CAPN3: variants seen among roughly 807,000 people sequenced by gnomAD.
CAPN3 encodes the protein calpain-3.
CAPN3 carries 88 observed loss-of-function variants against 114.0 expected under a neutral mutation model. That is an observed-to-expected ratio of 0.77 (90% CI 0.65 to 0.92). CAPN3 has a LOEUF of 0.92. CAPN3 is among the 40% of genes least tolerant of loss of function. The pLI is 0.00. For synonymous variants in CAPN3, 386 were observed against 382.9 expected (o/e 1.01, Z -0.09); for missense variants, 1,028 against 1,069.0 (o/e 0.96, Z 0.53).
Position 42,408,195 on chromosome 15 carries a change from T to A in CAPN3, c.1801-16T>A, listed in dbSNP as rs781743820. 1.6e-5 allele frequency: 25 copies of A among 1,575,518 alleles called. No homozygotes were observed. Among genetic ancestry groups the A allele is most frequent in the Non-Finnish European group, 2.2e-5 (25 of 1,146,316 alleles). On this transcript the variant is annotated splice_polypyrimidine_tract_variant and intron_variant, in intron 15 of 23. Coordinates refer to ENST00000397163, the MANE Select transcript of CAPN3 (RefSeq NM_000070.3). ...TAATCCTCCCTTCCTTCCTGCCTCC[T>A]CCCTCCTCTCTCCAGCCCATCATCT...
At chr15:42,375,891 A>G (rs1031863961) in intron 1 of CAPN3, among the ~76,000 whole-genome samples, 17 of 152,202 alleles carry the variant, frequency 1.1e-4, no homozygotes, top group Admixed American at 3.3e-4. Context: ...CACCCAAGAT[A>G]TGACATTACA....
chr15:42,404,904 A>T (rs994489370), intron 14 of CAPN3: 1 of 1,020,342 alleles, frequency 9.8e-7, no homozygotes. Flanking sequence ...ATCGGTGTGC[A>T]GTATTGATCA....
At chr15:42,390,637 C>T (rs2053527912) in intron 6 of CAPN3, among the ~76,000 whole-genome samples, 1 of 151,934 alleles carries the variant, frequency 6.6e-6, no homozygotes, top group Non-Finnish European at 1.5e-5. Context: ...TATTTTTCCC[C>T]ATGTAAAGAT....
chr15:42,374,235 A>C (rs1028022244), intron 1 of CAPN3: 7 of 152,808 alleles, frequency 4.6e-5, no homozygotes, highest in African/African-American at 1.7e-4. Context: ...CTGAGGGTGC[A>C]GTGGGAAAGA....
In CAPN3 at chr15:42,401,678, C is replaced by A; in HGVS notation, c.1392C>A (p.Leu464=). 1 of 1,614,180 alleles carries A rather than the reference C, an allele frequency of 6.2e-7. No homozygotes were observed. The highest frequency in any genetic ancestry group is 8.5e-7 in the Non-Finnish European group (1 of 1,180,034). ...FWTNPQYRLK[L]LEEDDDPDDS... is the part of the protein sequence containing the mutation. ...CCAACCCTCAGTACCGTCTGAAGCT[C>A]CTGGAGGAGGACGATGACCCTGATG... Residue 464 remains leucine (L), a synonymous_variant, in exon 11 of 24, where the codon CTC becomes CTA. Transcript: ENST00000397163.
rs74009086 is a variant in CAPN3 at position 42,412,038 on chromosome 15, C to T, written c.*265C>T. The T allele has an allele frequency of 1.3e-4, 193 of 1,516,382 alleles. No homozygotes were observed. The highest frequency in any genetic ancestry group is 1.5e-4 in the South Asian group (12 of 80,558). The allele number at this position is 1,516,382 out of a possible 1,614,324, so 93.9% of individuals were successfully genotyped here. A position where few individuals can be genotyped will look rare whatever the true frequency, so the allele number is the denominator to read the frequency against. ...TGGAGGAAAGTGCCTGCCTCTGGTCCGAGCCGCCTCGGTTCTGAAGCGAGT... is the reference window on the plus strand; with the variant it reads ...TGGAGGAAAGTGCCTGCCTCTGGTCTGAGCCGCCTCGGTTCTGAAGCGAGT... On this transcript the variant is annotated 3_prime_UTR_variant, in exon 24 of 24. Coordinates refer to ENST00000397163, the MANE Select transcript of CAPN3 (RefSeq NM_000070.3).
chr15:42,405,461 C>T (rs1013691148), intron 14 of CAPN3, among the ~76,000 whole-genome samples: 2 of 152,114 alleles, frequency 1.3e-5, no homozygotes, highest in Non-Finnish European at 1.5e-5. Flanking sequence ...CAGGTGCCCA[C>T]CATCACGCCT....
intron 1 of CAPN3, among the ~76,000 whole-genome samples, chr15:42,369,740 T>C (rs578188350): frequency 1.3e-5 from 2 of 152,204 alleles, no homozygotes; most frequent in South Asian, 4.1e-4. Flanking sequence ...CTGGAATGAA[T>C]CATTTCTTCA....
intron 3 of CAPN3, 107 bp downstream of exon 3, chr15:42,386,392 C>T (rs1313135571): frequency 2.2e-5 from 18 of 828,696 alleles, no homozygotes; most frequent in South Asian, 6.7e-5. Context: ...CCCATCTACC[C>T]GCAGCGGCAA....
chr15:42,397,029 G>C, intron 9 of CAPN3, 152 bp downstream of exon 9: 1 of 664,344 alleles, frequency 1.5e-6, no homozygotes, highest in Non-Finnish European at 2.7e-6. Flanking sequence ...CAAGGATGAG[G>C]TTCTGAGAGG....
intron 1 of CAPN3, among the ~76,000 whole-genome samples, chr15:42,368,488 C>G (rs1173543677): frequency 2.0e-5 from 3 of 152,040 alleles, no homozygotes; most frequent in African/African-American, 7.2e-5. Context: ...AATCATCAAT[C>G]AATAAACAAT....
intron 1 of CAPN3, among the ~76,000 whole-genome samples, chr15:42,370,542 G>T (rs2052916794): frequency 6.6e-6 from 1 of 152,146 alleles, no homozygotes; most frequent in African/African-American, 2.4e-5. Context: ...TCTGCTTTAA[G>T]AGTGTTACCT....
intron 1 of CAPN3, among the ~76,000 whole-genome samples, chr15:42,370,483 A>G (rs2052915433): frequency 6.6e-6 from 1 of 152,186 alleles, no homozygotes; most frequent in African/African-American, 2.4e-5. Flanking sequence ...TCCCAGGAAA[A>G]TTATATATCT....
chr15:42,398,445 G>T (rs1283989547), intron 9 of CAPN3, among the ~76,000 whole-genome samples: 4 of 151,884 alleles, frequency 2.6e-5, no homozygotes, highest in East Asian at 1.9e-4. Context: ...TTAGCCAGGT[G>T]TGGTGGTGTG....
At chr15:42,369,352 C>T (rs1340130725) in intron 1 of CAPN3, among the ~76,000 whole-genome samples, 1 of 151,982 alleles carries the variant, frequency 6.6e-6, no homozygotes, top group African/African-American at 2.4e-5. Context: ...AATGGTGGTG[C>T]TTGTCCAAGA....
At chr15:42,382,439 G>A (rs2053275663) in intron 1 of CAPN3, among the ~76,000 whole-genome samples, 1 of 152,100 alleles carries the variant, frequency 6.6e-6, no homozygotes. Flanking sequence ...TGCAATCTTG[G>A]CTCACGGCAA....
At chr15:42,401,861 G>A (rs1338432629) in intron 11 of CAPN3, 51 bp downstream of exon 11, 1 of 1,572,082 alleles carries the variant, frequency 6.4e-7, no homozygotes, top group Admixed American at 1.8e-5. Flanking sequence ...TCCCAGGGAG[G>A]ACGCTTCCAG....
intron 12 of CAPN3, 77 bp from the exon 13 acceptor site, chr15:42,402,717 C>A (rs2053906574): frequency 6.3e-7 from 1 of 1,581,042 alleles, no homozygotes; most frequent in Admixed American, 1.7e-5. Flanking sequence ...TGGGAAGGGA[C>A]CCTTGGAGGT....
At position 42,382,273 on chromosome 15, in the gene CAPN3, G is replaced by T. The variant is rs540796812; in HGVS notation, c.310-2210G>T. 4.6e-5 allele frequency among the ~76,000 whole-genome samples: 7 copies of T among 152,022 alleles called. No homozygotes were observed. The South Asian group carries it at 8.3e-4, about 18-fold the overall frequency. On this transcript the variant is annotated intron_variant, in intron 1 of 23. Transcript: ENST00000397163. ...TGTATATTCATGTTGGTCATTCTGG[G>T]TCAATATTCAATTTGCCCTTTCAAT...
Sources: allele counts gnomAD v4.1 joint callset (sites outside exome capture counted in the v4.1 genomes callset), GRCh38; gene constraint gnomAD v4.1.1; transcripts MANE v1.5; gene names NCBI Gene and HGNC (gene_info 2026-07-23, HGNC 2026-07-21).